PREP: variants seen among roughly 807,000 people sequenced by gnomAD.
PREP encodes dJ355L5.1 (prolyl endopeptidase).
PREP carries 29 observed loss-of-function variants against 87.6 expected under a neutral mutation model. The ratio of observed to expected loss-of-function variants is 0.33; its 90% CI spans 0.25 to 0.45. The LOEUF is 0.45. PREP is among the 20% of genes least tolerant of loss of function. PREP has a pLI of 1.00. For missense variants in PREP, 695 were observed against 886.5 expected (o/e 0.78, Z 2.74); for synonymous variants, 337 against 328.6 (o/e 1.03, Z -0.28).
intron 5 of PREP, among the ~76,000 whole-genome samples, chr6:105,371,905 G>GTAA: frequency 1.3e-5 from 2 of 152,242 alleles, no homozygotes; most frequent in Non-Finnish European, 1.5e-5. Flanking sequence ...ACAAGTTAAT[G>GTAA]TAATAACGTT....
chr6:105,370,359 G>GA (rs1162819334), intron 5 of PREP, among the ~76,000 whole-genome samples: 1 of 147,346 alleles, frequency 6.8e-6, no homozygotes, highest in African/African-American at 2.5e-5. Context: ...AGAATGGCCA[G>GA]AATTCAGAAC....
At chr6:105,302,221 C>T (rs187592072) in intron 10 of PREP, among the ~76,000 whole-genome samples, 182 of 152,328 alleles carry the variant, frequency 1.2e-3, no homozygotes, top group African/African-American at 4.2e-3. Context: ...CAGGCAGAAA[C>T]TGCCCTGTAA....
At chr6:105,288,432 C>T (rs1032096911) in intron 11 of PREP, among the ~76,000 whole-genome samples, 4 of 152,204 alleles carry the variant, frequency 2.6e-5, no homozygotes, top group Admixed American at 6.5e-5. Flanking sequence ...CTCACTGCAA[C>T]CTCTGCCTCC....
intron 2 of PREP, among the ~76,000 whole-genome samples, chr6:105,385,526 A>T (rs1434396324): frequency 1.3e-5 from 2 of 152,230 alleles, no homozygotes; most frequent in African/African-American, 4.8e-5. Flanking sequence ...CCAAAAAGAA[A>T]GCAGAACTGA....
In PREP at chr6:105,281,904, T is replaced by TAAAAGCCCAACGTA; in HGVS notation, c.1682-16_1682-3dup. On this transcript the variant is annotated splice_polypyrimidine_tract_variant and splice_region_variant and intron_variant, in intron 13 of 14. Coordinates refer to ENST00000652536, the MANE Select transcript of PREP (RefSeq NM_002726.5). Reference sequence around the variant, plus strand: ...CAGGTCTCTGATTTGCACAAGCAGCTAAAAGCCCAACGTAGAAAGAAAAGG... The same window carrying TAAAAGCCCAACGTA: ...CAGGTCTCTGATTTGCACAAGCAGCTAAAAGCCCAACGTAAAAAGCCCAACGTAGAAAGAAAAGG... The TAAAAGCCCAACGTA allele has an allele frequency of 6.2e-7, 1 of 1,613,060 alleles. No homozygotes were observed. The highest frequency in any genetic ancestry group is 8.5e-7 in the Non-Finnish European group (1 of 1,179,730).
At chr6:105,386,015 G>T (rs1211347698) in intron 2 of PREP, among the ~76,000 whole-genome samples, 1 of 152,314 alleles carries the variant, frequency 6.6e-6, no homozygotes, top group East Asian at 1.9e-4. Context: ...AGCTACTCGG[G>T]AGGCTGAGGC....
intron 7 of PREP, among the ~76,000 whole-genome samples, chr6:105,352,013 T>C (rs978463291): frequency 5.3e-5 from 8 of 152,216 alleles, no homozygotes; most frequent in African/African-American, 1.7e-4. Flanking sequence ...AGTTTAAAAA[T>C]GGCGCGATGC....
chr6:105,277,624 T>TAAC lies in PREP; in HGVS notation c.*517_*519dup, dbSNP rs1554203341. The TAAC allele has an allele frequency of 6.4e-6, 1 of 155,406 alleles. No homozygotes were observed. Among genetic ancestry groups the TAAC allele is most frequent in the Non-Finnish European group, 1.4e-5 (1 of 69,998 alleles). The allele number at this position is 155,406 out of a possible 1,614,324, so 9.6% of individuals were successfully genotyped here. A position where few individuals can be genotyped will look rare whatever the true frequency, so the allele number is the denominator to read the frequency against. ...TTCTATGACTTAACTGCTTGAAAAC[T>TAAC]AACTTGTTGCAGAAAGGTGAAATGC... On this transcript the variant is annotated 3_prime_UTR_variant, in exon 15 of 15. Transcript: ENST00000652536.
intron 9 of PREP, among the ~76,000 whole-genome samples, chr6:105,328,256 G>A (rs1273671728): frequency 1.3e-5 from 2 of 151,432 alleles, no homozygotes; most frequent in Non-Finnish European, 2.9e-5. Context: ...GTATTCATTG[G>A]TACTAATTTT....
chr6:105,299,539 C>T (rs1341945530), intron 10 of PREP, among the ~76,000 whole-genome samples: 1 of 152,128 alleles, frequency 6.6e-6, no homozygotes. Context: ...GCAGAAGTTG[C>T]AGTAAGCCGA....
rs115404309 is a variant in PREP, at chr6:105,370,423, T to C, written c.596-1399A>G. Among the ~76,000 whole-genome samples the C allele has an allele frequency of 3.2e-3, 486 of 152,208 alleles. 5 individuals carry two copies. The highest frequency in any genetic ancestry group is 0.011 in the African/African-American group (464 of 41,544). On this transcript the variant is annotated intron_variant, in intron 5 of 14. Transcript: ENST00000652536. ...GTGGAACAAGAGGAACTCTCATTCA[T>C]TGCTGGCAGGAATGCAAAATGGTGT...
chr6:105,356,262 T>G (rs1772098090), intron 6 of PREP, among the ~76,000 whole-genome samples: 1 of 152,222 alleles, frequency 6.6e-6, no homozygotes, highest in Admixed American at 6.5e-5. Context: ...GGGTAAGGTA[T>G]ACAGCCCCAC....
At chr6:105,375,689 G>A (rs996327848) in intron 4 of PREP, among the ~76,000 whole-genome samples, 4 of 152,126 alleles carry the variant, frequency 2.6e-5, no homozygotes, top group Non-Finnish European at 5.9e-5. Context: ...AACTCTAATC[G>A]CCTCCTTCCC....
chr6:105,296,733 T>A (rs1448360664), intron 10 of PREP, among the ~76,000 whole-genome samples: 1 of 152,234 alleles, frequency 6.6e-6, no homozygotes, highest in Non-Finnish European at 1.5e-5. Flanking sequence ...TTTGGCTTCC[T>A]GGGTGGAGTA....
intron 7 of PREP, among the ~76,000 whole-genome samples, chr6:105,352,174 A>G (rs1771974426): frequency 6.6e-6 from 1 of 152,230 alleles, no homozygotes; most frequent in South Asian, 2.1e-4. Flanking sequence ...ACTAGAAGAT[A>G]ATGTAATTAG....
Position 105,274,048 on chromosome 6 carries a change from T to C in PREP, c.*4096A>G, listed in dbSNP as rs1769887389. Among the ~76,000 whole-genome samples, 1 of 152,256 alleles carries C rather than the reference T, an allele frequency of 6.6e-6. No homozygotes were observed. Among genetic ancestry groups the C allele is most frequent in the South Asian group, 2.1e-4 (1 of 4,834 alleles). Reference sequence around the variant, plus strand: ...CAGCTCTTTTTATTCCTGTTTCTTGTTAATTCCTGAAATTATACTTTGTTT... The same window carrying C: ...CAGCTCTTTTTATTCCTGTTTCTTGCTAATTCCTGAAATTATACTTTGTTT... On this transcript the variant is annotated 3_prime_UTR_variant, in exon 15 of 15. Coordinates refer to ENST00000652536, the MANE Select transcript of PREP (RefSeq NM_002726.5).
chr6:105,373,557 C>T lies in PREP; in HGVS notation c.407G>A (p.Gly136Asp). ...ACTCAGACCATAGGCAAAATATTCA[C>T]CATCTTCGCTGAACGCATAACCTAT... ...ALRGYAFSED[G>D]EYFAYGLSAS... Residue 136 changes from glycine to aspartate, a missense_variant, in exon 5 of 15, where the codon GGT becomes GAT. Coordinates refer to ENST00000652536, the MANE Select transcript of PREP (RefSeq NM_002726.5). 1 of 1,614,174 alleles carries T rather than the reference C, an allele frequency of 6.2e-7. No homozygotes were observed. The highest frequency in any genetic ancestry group is 1.1e-5 in the South Asian group (1 of 91,072).
At chr6:105,342,827 G>A (rs1179934653) in intron 7 of PREP, among the ~76,000 whole-genome samples, 2 of 152,240 alleles carry the variant, frequency 1.3e-5, no homozygotes, top group Non-Finnish European at 2.9e-5. Flanking sequence ...TACAAGGGAT[G>A]TGAAGGATCT....
chr6:105,398,746 T>C (rs1410140731), intron 1 of PREP, among the ~76,000 whole-genome samples: 1 of 152,086 alleles, frequency 6.6e-6, no homozygotes, highest in East Asian at 1.9e-4. Context: ...CCTCAAGTGA[T>C]TATGCCAAAA....
Sources: gnomAD v4.1 joint callset for allele counts (sites outside exome capture counted in the v4.1 genomes callset) on GRCh38, gnomAD v4.1.1 for gene constraint, MANE v1.5 for transcripts, NCBI Gene and HGNC (gene_info 2026-07-23, HGNC 2026-07-21) for gene names.